The following SLC25A31 variants were observed in gnomAD, a reference collection of about 807,000 sequenced individuals.
The protein encoded by SLC25A31 is solute carrier family 25 member 31.
Under a neutral mutation model 36.2 loss-of-function variants are expected in SLC25A31, and 40 were observed. The ratio of observed to expected loss-of-function variants is 1.10; its 90% CI spans 0.86 to 1.44. The LOEUF (loss-of-function observed/expected upper bound fraction) is 1.44, where lower values mean the gene tolerates loss of function less well. Among genes scored for constraint, SLC25A31 ranks in the 40% most tolerant of loss-of-function variants. SLC25A31 has a pLI of 0.00. For synonymous variants in SLC25A31, 143 were observed against 149.7 expected, an observed-to-expected ratio of 0.96 and a Z score of 0.32; for missense variants, 350 against 397.1, an observed-to-expected ratio of 0.88 and a Z score of 1.01.
chr4:127,766,081 A>G (rs190166365), intron 3 of SLC25A31, among the ~76,000 whole-genome samples: 2 of 152,078 alleles, frequency 1.3e-5, no homozygotes, highest in East Asian at 3.9e-4. Flanking sequence ...AATGTTAACT[A>G]TCTTAAACTA....
In SLC25A31 at chr4:127,763,979, C is replaced by T. The variant is rs557803753; in HGVS notation, c.361-264C>T. On this transcript the variant is annotated intron_variant, in intron 2 of 5. Coordinates refer to ENST00000281154, the MANE Select transcript of SLC25A31 (RefSeq NM_031291.4). ...CGACCTCTTTTGCTAATTTGGGCTG[C>T]TTTGCTGGAGAACATTAAAATATCC... Among the ~76,000 whole-genome samples the T allele has an allele frequency of 3.9e-5, 6 of 152,228 alleles. No homozygotes were observed. In the East Asian group the frequency reaches 1.2e-3, roughly 29 times the overall value.
At chr4:127,749,793 T>C (rs1209729658) in intron 2 of SLC25A31, among the ~76,000 whole-genome samples, 2 of 151,548 alleles carry the variant, frequency 1.3e-5, no homozygotes, top group Non-Finnish European at 2.9e-5. Flanking sequence ...CTGGTTATCC[T>C]GAATACTTGA....
intron 2 of SLC25A31, among the ~76,000 whole-genome samples, chr4:127,749,411 C>T (rs1358426314): frequency 2.0e-5 from 3 of 152,042 alleles, no homozygotes; most frequent in African/African-American, 4.8e-5. Flanking sequence ...ATTCAGGAAG[C>T]TCAGAGGACT....
At chr4:127,754,874 C>T (rs1178120176) in intron 2 of SLC25A31, among the ~76,000 whole-genome samples, 1 of 152,130 alleles carries the variant, frequency 6.6e-6, no homozygotes, top group Non-Finnish European at 1.5e-5. Context: ...AGAGCTGGAG[C>T]TATCATACCA....
intron 2 of SLC25A31, among the ~76,000 whole-genome samples, chr4:127,748,325 C>G (rs551396638): frequency 6.6e-6 from 1 of 152,146 alleles, no homozygotes; most frequent in African/African-American, 2.4e-5. Flanking sequence ...ACCCAGCAAC[C>G]CACCAGGAGG....
chr4:127,773,707 C>T lies in SLC25A31; in HGVS notation c.*133C>T, dbSNP rs1178518393. On this transcript the variant is annotated 3_prime_UTR_variant, in exon 6 of 6. Coordinates refer to ENST00000281154, the MANE Select transcript of SLC25A31 (RefSeq NM_031291.4). ...AGTGCTAGTTCTGCAATAAAGCATA[C>T]ATTTTTTCAAGAATTTAAATACTAA... 1.5e-6 allele frequency: 1 copy of T among 645,450 alleles called. No homozygotes were observed. Among genetic ancestry groups the T allele is most frequent in the African/African-American group, 1.9e-5 (1 of 53,138 alleles). The allele number at this position is 645,450 out of a possible 1,614,324, so 40.0% of individuals were successfully genotyped here.
chr4:127,740,703 G>A (rs1731715613), intron 1 of SLC25A31, among the ~76,000 whole-genome samples: 1 of 152,152 alleles, frequency 6.6e-6, no homozygotes, highest in Non-Finnish European at 1.5e-5. Flanking sequence ...CTGCCTGAGT[G>A]TGAAGCTGAG....
chr4:127,753,774 A>C (rs529629050), intron 2 of SLC25A31, among the ~76,000 whole-genome samples: 1 of 152,166 alleles, frequency 6.6e-6, no homozygotes, highest in Non-Finnish European at 1.5e-5. Context: ...AGTCTTCAAA[A>C]AAATGGAAGA....
rs1367623441 is a variant in SLC25A31, at chr4:127,744,757, A to G, written c.318A>G (p.Lys106=). ...TQALNFAFKD[K]YKQLFMSGVN... Reference sequence around the variant, plus strand: ...CTCTAAACTTTGCTTTTAAGGACAAATACAAGCAGCTATTCATGTCTGGAG... The same window carrying G: ...CTCTAAACTTTGCTTTTAAGGACAAGTACAAGCAGCTATTCATGTCTGGAG... The change falls in exon 2 of 6, where the codon AAA becomes AAG. Residue 106 remains lysine (K), a synonymous_variant. Transcript: ENST00000281154. The G allele has an allele frequency of 1.9e-6, 3 of 1,596,288 alleles. No individual in the cohort carries two copies. Among genetic ancestry groups the G allele is most frequent in the Non-Finnish European group, 2.6e-6 (3 of 1,168,104 alleles).
At chr4:127,772,949 T>A (rs1385521718) in intron 5 of SLC25A31, among the ~76,000 whole-genome samples, 1 of 151,878 alleles carries the variant, frequency 6.6e-6, no homozygotes, top group Non-Finnish European at 1.5e-5. Flanking sequence ...ACCCAGCTAA[T>A]TTTTTGTATT....
intron 1 of SLC25A31, among the ~76,000 whole-genome samples, chr4:127,733,947 T>C (rs1167910428): frequency 6.6e-6 from 1 of 152,246 alleles, no homozygotes; most frequent in African/African-American, 2.4e-5. Flanking sequence ...TCTGACACTT[T>C]TTATAAGCTT....
chr4:127,744,655 T>C lies in SLC25A31; in HGVS notation c.233-17T>C. On this transcript the variant is annotated splice_polypyrimidine_tract_variant and intron_variant, in intron 1 of 5. Coordinates refer to ENST00000281154, the MANE Select transcript of SLC25A31 (RefSeq NM_031291.4). ...AATACAATGTAGGTTTATGTATTTA[T>C]ATGTTTCCCTCTGTAGGTTTCTTCA... is the stretch of plus-strand genomic sequence containing the variant. The C allele has an allele frequency of 6.3e-7, 1 of 1,580,926 alleles. No individual in the cohort carries two copies. Among genetic ancestry groups the C allele is most frequent in the Non-Finnish European group, 8.6e-7 (1 of 1,166,258 alleles).
chr4:127,773,614 TA>T lies in SLC25A31; in HGVS notation c.*43del, dbSNP rs1422824853. Reference sequence around the variant, plus strand: ...TAAGAAATACATGGATTTAACTTGTTAAACATACAAATTACATAGCTGCCAT... The same window carrying T: ...TAAGAAATACATGGATTTAACTTGTTAACATACAAATTACATAGCTGCCAT... On this transcript the variant is annotated 3_prime_UTR_variant, in exon 6 of 6. Transcript: ENST00000281154. The T allele has an allele frequency of 6.9e-7, 1 of 1,454,218 alleles. No individual in the cohort carries two copies. 90.1% of individuals were successfully genotyped at this position (1,454,218 alleles called of 1,614,324 possible).
chr4:127,741,871 T>C (rs1731738362), intron 1 of SLC25A31, among the ~76,000 whole-genome samples: 1 of 152,204 alleles, frequency 6.6e-6, no homozygotes, highest in African/African-American at 2.4e-5. Context: ...TATATGTTTC[T>C]AGAAATTTAT....
chr4:127,752,876 G>A (rs189635384), intron 2 of SLC25A31, among the ~76,000 whole-genome samples: 3 of 152,208 alleles, frequency 2.0e-5, no homozygotes, highest in Admixed American at 1.3e-4. Flanking sequence ...AGCTTGAACT[G>A]CACTTTAGAT....
At chr4:127,758,437 G>A (rs1732071087) in intron 2 of SLC25A31, among the ~76,000 whole-genome samples, 1 of 152,080 alleles carries the variant, frequency 6.6e-6, no homozygotes, top group Non-Finnish European at 1.5e-5. Flanking sequence ...TCTGCATATT[G>A]TCTGTTTCCT....
In SLC25A31 at chr4:127,730,432, C is replaced by T. The variant is rs560389502; in HGVS notation, c.-114C>T. 35 of 1,162,376 alleles carry T rather than the reference C, an allele frequency of 3.0e-5. No individual in the cohort carries two copies. The Admixed American group carries it at 5.0e-4, about 16-fold the overall frequency. 72.0% of individuals were successfully genotyped at this position (1,162,376 alleles called of 1,614,324 possible). ...CGCGGCTCTCTCAGCGTCCCAAGAG[C>T]CACTTTCTCGCCAGTACGATGCTGC... On this transcript the variant is annotated 5_prime_UTR_variant, in exon 1 of 6. Coordinates refer to ENST00000281154, the MANE Select transcript of SLC25A31 (RefSeq NM_031291.4).
chr4:127,773,330 GT>G, intron 5 of SLC25A31, 55 bp from the exon 6 acceptor site: 1 of 1,501,236 alleles, frequency 6.7e-7, no homozygotes, highest in Non-Finnish European at 9.0e-7. Context: ...ATAGAAGACT[GT>G]CTTAAGATAA....
At chr4:127,753,471 G>A (rs1560635970) in intron 2 of SLC25A31, among the ~76,000 whole-genome samples, 2 of 152,070 alleles carry the variant, frequency 1.3e-5, no homozygotes, top group Non-Finnish European at 2.9e-5. Flanking sequence ...AAGTGAAAGA[G>A]GAGACATTGT....
Sources: allele counts gnomAD v4.1 joint callset (sites outside exome capture counted in the v4.1 genomes callset), GRCh38; gene constraint gnomAD v4.1.1; transcripts MANE v1.5; gene names NCBI Gene and HGNC (gene_info 2026-07-23, HGNC 2026-07-21).